The following WDFY2 variants were observed in gnomAD, a reference collection of about 807,000 sequenced individuals.
The protein encoded by WDFY2 is WD repeat and FYVE domain-containing protein 2.
A neutral mutation model predicts 56.4 loss-of-function variants in WDFY2; 36 were observed. That is an observed-to-expected ratio of 0.64 (90% CI 0.49 to 0.84). WDFY2 has a LOEUF of 0.84. WDFY2 is among the 40% of genes least tolerant of loss of function. WDFY2 has a pLI of 0.00. For missense variants in WDFY2, 444 were observed against 512.2 expected, an observed-to-expected ratio of 0.87 and a Z score of 1.29; for synonymous variants, 176 against 183.7, an observed-to-expected ratio of 0.96 and a Z score of 0.34.
chr13:51,598,905 CT>C (rs569169884), intron 1 of WDFY2, among the ~76,000 whole-genome samples: 393 of 115,740 alleles, frequency 3.4e-3, no homozygotes, highest in South Asian at 0.017. Context: ...GTGCCATTTA[CT>C]TTTTTTTTTT....
intron 8 of WDFY2, chr13:51,753,018 G>T (rs1953272224): frequency 1.3e-5 from 2 of 152,216 alleles, no homozygotes; most frequent in South Asian, 4.1e-4. Flanking sequence ...CTATTAAATG[G>T]TGTAAATGAT....
rs115236205 is a variant in WDFY2 at position 51,683,434 on chromosome 13, C to T, written c.279+8191C>T. On this transcript the variant is annotated intron_variant, in intron 3 of 11. Coordinates refer to ENST00000298125, the MANE Select transcript of WDFY2 (RefSeq NM_052950.4). ...ACTTTGAGTTCATCTTTTATACAAA[C>T]TAGAGGTGAACCATGGTTCCCATGT... 9.1e-3 allele frequency among the ~76,000 whole-genome samples: 1,391 copies of T among 152,266 alleles called. 18 individuals are homozygous for T. Among genetic ancestry groups the T allele is most frequent in the African/African-American group, 0.032 (1,315 of 41,548 alleles).
intron 7 of WDFY2, among the ~76,000 whole-genome samples, chr13:51,745,239 TAAC>T (rs776022610): frequency 1.1e-4 from 16 of 151,998 alleles, no homozygotes; most frequent in Non-Finnish European, 1.8e-4. Flanking sequence ...AAGTGTGAAA[TAAC>T]AACCAGGAGA....
chr13:51,723,784 A>G lies in WDFY2; in HGVS notation c.486-3894A>G, dbSNP rs993132122. Reference sequence around the variant, plus strand: ...CCAGATCCCTGCAGCGCCGTCCTCCATACCAGCCTTTTAATAGTTTCATCC... The same window carrying G: ...CCAGATCCCTGCAGCGCCGTCCTCCGTACCAGCCTTTTAATAGTTTCATCC... On this transcript the variant is annotated intron_variant, in intron 5 of 11. Coordinates refer to ENST00000298125, the MANE Select transcript of WDFY2 (RefSeq NM_052950.4). Among the ~76,000 whole-genome samples the G allele has an allele frequency of 2.0e-5, 3 of 152,204 alleles. No homozygotes were observed. In the East Asian group the frequency reaches 5.8e-4, roughly 29 times the overall value.
At chr13:51,690,196 A>T (rs1006680422) in intron 3 of WDFY2, among the ~76,000 whole-genome samples, 2 of 11,554 alleles carry the variant, frequency 1.7e-4, no homozygotes, top group Non-Finnish European at 5.1e-4. Context: ...ATATATATAT[A>T]TTTTTTTTAT....
intron 2 of WDFY2, among the ~76,000 whole-genome samples, chr13:51,663,172 A>C (rs1593955618): frequency 6.6e-6 from 1 of 152,114 alleles, no homozygotes; most frequent in East Asian, 1.9e-4. Context: ...ACAAACCCAA[A>C]CCGTAGATAA....
intron 3 of WDFY2, among the ~76,000 whole-genome samples, chr13:51,683,509 G>T (rs377122671): frequency 6.6e-6 from 1 of 152,188 alleles, no homozygotes; most frequent in Non-Finnish European, 1.5e-5. Context: ...CTGGTGTGTG[G>T]CATTTTACTG....
intron 7 of WDFY2, among the ~76,000 whole-genome samples, chr13:51,747,335 A>G (rs1953126173): frequency 6.6e-6 from 1 of 152,240 alleles, no homozygotes; most frequent in Non-Finnish European, 1.5e-5. Flanking sequence ...AAAACATATT[A>G]TAGACAATAA....
chr13:51,646,241 A>G (rs1228507404), intron 1 of WDFY2, among the ~76,000 whole-genome samples: 3 of 152,176 alleles, frequency 2.0e-5, no homozygotes, highest in African/African-American at 7.2e-5. Context: ...TTCTTTGTCC[A>G]GGCTGGATTC....
At chr13:51,653,378 A>C (rs1327617055) in intron 1 of WDFY2, among the ~76,000 whole-genome samples, 1 of 152,052 alleles carries the variant, frequency 6.6e-6, no homozygotes, top group Non-Finnish European at 1.5e-5. Context: ...GAAAAGTTTG[A>C]TCATCTGAAG....
intron 3 of WDFY2, among the ~76,000 whole-genome samples, chr13:51,698,319 G>A (rs1207849010): frequency 1.3e-5 from 2 of 152,160 alleles, no homozygotes; most frequent in Non-Finnish European, 2.9e-5. Flanking sequence ...ATACATCAGG[G>A]CAAGTTTGAA....
intron 1 of WDFY2, among the ~76,000 whole-genome samples, chr13:51,620,040 C>T (rs1954695942): frequency 6.6e-6 from 1 of 152,206 alleles, no homozygotes; most frequent in African/African-American, 2.4e-5. Flanking sequence ...GCTGATCCTC[C>T]TTATAAGCCC....
intron 3 of WDFY2, among the ~76,000 whole-genome samples, chr13:51,690,516 G>C (rs1263558973): frequency 1.3e-5 from 2 of 151,928 alleles, no homozygotes; most frequent in Non-Finnish European, 2.9e-5. Flanking sequence ...CCCTACAAAG[G>C]ACGTGAACTC....
chr13:51,728,919 G>A (rs888859111), intron 6 of WDFY2, among the ~76,000 whole-genome samples: 15 of 152,122 alleles, frequency 9.9e-5, no homozygotes, highest in Admixed American at 1.3e-4. Context: ...ACTTCTGTGC[G>A]TCACTGCAGA....
At chr13:51,605,375 A>G (rs1266844684) in intron 1 of WDFY2, among the ~76,000 whole-genome samples, 1 of 152,184 alleles carries the variant, frequency 6.6e-6, no homozygotes, top group African/African-American at 2.4e-5. Context: ...ATAGAAATAG[A>G]ATTTATCTCA....
intron 1 of WDFY2, among the ~76,000 whole-genome samples, chr13:51,610,201 T>C (rs938441260): frequency 6.6e-6 from 1 of 151,840 alleles, no homozygotes; most frequent in African/African-American, 2.4e-5. Flanking sequence ...GACTCAGAGT[T>C]ATCATCTTTG....
intron 8 of WDFY2, among the ~76,000 whole-genome samples, chr13:51,752,034 G>A (rs1440908898): frequency 1.3e-5 from 2 of 152,032 alleles, no homozygotes; most frequent in Non-Finnish European, 2.9e-5. Context: ...TTCCAATTAC[G>A]TTAGAATTAT....
intron 1 of WDFY2, among the ~76,000 whole-genome samples, chr13:51,636,602 A>G (rs796757340): frequency 6.6e-6 from 1 of 152,364 alleles, no homozygotes; most frequent in African/African-American, 2.4e-5. Context: ...TAAAGACAGG[A>G]TACAGTACAG....
chr13:51,717,231 T>G (rs556257139), intron 4 of WDFY2, among the ~76,000 whole-genome samples: 94 of 152,334 alleles, frequency 6.2e-4, no homozygotes, highest in African/African-American at 2.1e-3. Flanking sequence ...CTTTGAAATT[T>G]TTTTTCAATA....
Sources: allele counts gnomAD v4.1 joint callset (sites outside exome capture counted in the v4.1 genomes callset), GRCh38; gene constraint gnomAD v4.1.1; transcripts MANE v1.5; gene names NCBI Gene and HGNC (gene_info 2026-07-23, HGNC 2026-07-21).